The following KIF27 variants were observed in gnomAD, a reference collection of about 807,000 sequenced individuals.
KIF27 encodes kinesin family member 27.
Under a neutral mutation model 141.8 loss-of-function variants are expected in KIF27, and 84 were observed. That is an observed-to-expected ratio of 0.59 (90% confidence interval 0.50 to 0.71). The LOEUF (loss-of-function observed/expected upper bound fraction) is 0.71. Ranked by LOEUF, KIF27 falls within the 30% of genes least tolerant of loss-of-function variation. KIF27 has a pLI of 0.00. For missense variants in KIF27, 1,306 were observed against 1,628.4 expected (o/e 0.80, Z 3.41); for synonymous variants, 471 against 569.5 (o/e 0.83, Z 2.46).
Position 83,834,493 on chromosome 9 carries a change from C to T in KIF27, c.*2508G>A, listed in dbSNP as rs1945585571. 6.6e-6 allele frequency among the ~76,000 whole-genome samples: 1 copy of T among 151,990 alleles called. No homozygotes were observed. Among genetic ancestry groups the T allele is most frequent in the African/African-American group, 2.4e-5 (1 of 41,388 alleles). On this transcript the variant is annotated 3_prime_UTR_variant, in exon 18 of 18. Coordinates refer to ENST00000297814, the MANE Select transcript of KIF27 (RefSeq NM_017576.4). The stretch of plus-strand genomic sequence containing the variant: ...TTATTTAGAAATCAACTCACAATTG[C>T]ATAGTCAAACCTAATCATTGTTGTT...
intron 16 of KIF27, among the ~76,000 whole-genome samples, 156 bp from the exon 17 acceptor site, chr9:83,842,557 C>G (rs1456225140): frequency 6.6e-6 from 1 of 152,136 alleles, no homozygotes; most frequent in Non-Finnish European, 1.5e-5. Context: ...GCTCCGCCTC[C>G]CAGGTTCACA....
intron 14 of KIF27, 36 bp downstream of exon 14, chr9:83,859,120 A>G: frequency 1.5e-6 from 2 of 1,299,964 alleles, no homozygotes; most frequent in South Asian, 1.2e-5. Flanking sequence ...GTGATCCATC[A>G]TACAGCACCT....
chr9:83,911,965 T>C (rs1175433884), intron 2 of KIF27, among the ~76,000 whole-genome samples: 1 of 152,128 alleles, frequency 6.6e-6, no homozygotes, highest in Admixed American at 6.6e-5. Context: ...ACTTTGGAAA[T>C]ACTGGTTATT....
chr9:83,841,409 A>G (rs1413263186), intron 17 of KIF27, among the ~76,000 whole-genome samples: 2 of 151,944 alleles, frequency 1.3e-5, no homozygotes, highest in African/African-American at 4.8e-5. Context: ...ATATCACTTC[A>G]TTGCTCCTCC....
rs780496824 is a variant in KIF27, at chr9:83,903,338, T to C, written c.1180A>G (p.Ile394Val). 1 of 1,614,188 alleles carries C rather than the reference T, an allele frequency of 6.2e-7. No individual in the cohort carries two copies. Among genetic ancestry groups the C allele is most frequent in the Non-Finnish European group, 8.5e-7 (1 of 1,180,032 alleles). ...GCTACTTGCTCCTCAAGAGAATGAA[T>C]CCTATTTGTATCAGGACTCCCTTCT... ...NREGSPDTNRIHSLEEQVAQL... is the reference protein window; with the variant it reads ...NREGSPDTNRVHSLEEQVAQL... Residue 394 changes from isoleucine (I) to valine (V), a missense_variant, in exon 4 of 18, where the codon ATT becomes GTT. Physicochemically the swap from Ile to Val is conservative, Grantham distance 29 (BLOSUM62 3). Coordinates refer to ENST00000297814, the MANE Select transcript of KIF27 (RefSeq NM_017576.4).
chr9:83,905,702 G>A (rs1329094551), intron 3 of KIF27, among the ~76,000 whole-genome samples: 2 of 152,176 alleles, frequency 1.3e-5, no homozygotes, highest in East Asian at 3.9e-4. Context: ...GAATCCAGAT[G>A]CAAATCACCT....
chr9:83,877,764 G>A (rs1349397176), intron 11 of KIF27, among the ~76,000 whole-genome samples: 8 of 152,162 alleles, frequency 5.3e-5, no homozygotes, highest in African/African-American at 1.9e-4. Context: ...GTATCTGATA[G>A]AATTTAATGT....
Position 83,913,594 on chromosome 9 carries a change from G to A in KIF27, c.298+1700C>T, listed in dbSNP as rs531079656. ...TGGGATTAGAGGCATGTGCCACGAC[G>A]CCCAGCTAATTTTTGTATTTTTAGT... On this transcript the variant is annotated intron_variant, in intron 2 of 17. Coordinates refer to ENST00000297814, the MANE Select transcript of KIF27 (RefSeq NM_017576.4). Among the ~76,000 whole-genome samples, 212 of 152,206 alleles carry A rather than the reference G, an allele frequency of 1.4e-3. 2 individuals are homozygous for A. The highest frequency in any genetic ancestry group is 2.5e-3 in the Non-Finnish European group (170 of 68,004).
chr9:83,838,398 G>T (rs549724893), intron 17 of KIF27, among the ~76,000 whole-genome samples: 6 of 151,994 alleles, frequency 3.9e-5, no homozygotes, highest in East Asian at 1.9e-4. Context: ...CACGCCCGGC[G>T]AATTTTTTGT....
At chr9:83,916,952 C>A (rs1374810176) in intron 1 of KIF27, among the ~76,000 whole-genome samples, 1 of 151,814 alleles carries the variant, frequency 6.6e-6, no homozygotes, top group Non-Finnish European at 1.5e-5. Context: ...CGTGAGCCAC[C>A]GCGCACGACA....
intron 10 of KIF27, among the ~76,000 whole-genome samples, chr9:83,882,219 G>A (rs960291846): frequency 7.2e-5 from 11 of 151,972 alleles, no homozygotes; most frequent in Non-Finnish European, 4.4e-5. Context: ...AAAAATTTGC[G>A]GGTGTGGTGG....
rs1945823080 is a variant in KIF27 at position 83,836,279 on chromosome 9, C to G, written c.*722G>C. Among the ~76,000 whole-genome samples, 1 of 152,000 alleles carries G rather than the reference C, an allele frequency of 6.6e-6. No individual in the cohort carries two copies. Among genetic ancestry groups the G allele is most frequent in the East Asian group, 1.9e-4 (1 of 5,192 alleles). On this transcript the variant is annotated 3_prime_UTR_variant, in exon 18 of 18. Coordinates refer to ENST00000297814, the MANE Select transcript of KIF27 (RefSeq NM_017576.4). ...GTTTTATTCTATAATTTCCGTGTTC[C>G]ATGGAACAGCATTCATTTCTCCCAG...
At chr9:83,870,768 T>G (rs1950720338) in intron 11 of KIF27, 136 bp from the exon 12 acceptor site, 1 of 1,384,922 alleles carries the variant, frequency 7.2e-7, no homozygotes. Context: ...TGGAGTGCAG[T>G]GGCACAATCA....
rs1953727003 is a variant in KIF27 at position 83,900,214 on chromosome 9, C to A, written c.1459-410G>T. Among the ~76,000 whole-genome samples, 4 of 150,866 alleles carry A rather than the reference C, an allele frequency of 2.7e-5. No individual in the cohort carries two copies. In the Admixed American group the frequency reaches 2.7e-4, roughly 10 times the overall value. On this transcript the variant is annotated intron_variant, in intron 4 of 17. Transcript: ENST00000297814. ...AGGGCATTTGAATGAAGCAGATTTG[C>A]TGATTTTGTACACTTTCATTATGAA...
rs34331943 is a variant in KIF27, at chr9:83,847,242, G to A, written c.3556+2857C>T. Among the ~76,000 whole-genome samples the A allele has an allele frequency of 3.0e-3, 459 of 152,302 alleles. 2 individuals are homozygous for A. The highest frequency in any genetic ancestry group is 0.01 in the African/African-American group (428 of 41,564). ...CGACCATGTGACCAGCCGCAGAAAC[G>A]AGGACTGTAACTGTCATAGTTCCTC... On this transcript the variant is annotated intron_variant, in intron 16 of 17. Coordinates refer to ENST00000297814, the MANE Select transcript of KIF27 (RefSeq NM_017576.4).
rs1193133819 is a variant in KIF27 at position 83,903,495 on chromosome 9, A to C, written c.1023T>G (p.Ile341Met). The change falls in exon 4 of 18, where the codon ATT (isoleucine) becomes ATG (methionine). Residue 341 changes from isoleucine to methionine, a missense_variant. Physicochemically the swap from Ile to Met is conservative, Grantham distance 10. Transcript: ENST00000297814. ...TGAAGTTTACAGTGGGTTTGTTTCT[A>C]ATGTTCCGTGCTCTGTTGGCATATT... ...SLKYANRARN[I>M]RNKPTVNFSP... 1 of 1,613,970 alleles carries C rather than the reference A, an allele frequency of 6.2e-7. No individual in the cohort carries two copies. The highest frequency in any genetic ancestry group is 8.5e-7 in the Non-Finnish European group (1 of 1,180,036).
chr9:83,880,054 A>C (rs1043720181), intron 11 of KIF27: 2 of 565,226 alleles, frequency 3.5e-6, no homozygotes, highest in Admixed American at 3.2e-5. Context: ...TTAGGATCCT[A>C]CTAAGAGAAA....
At chr9:83,850,057 C>A (rs1265250868) in intron 16 of KIF27, 42 bp downstream of exon 16, 2 of 1,519,760 alleles carry the variant, frequency 1.3e-6, no homozygotes, top group Middle Eastern at 3.4e-4. Context: ...AGTACCCACA[C>A]CTACACATCA....
chr9:83,918,005 G>C (rs1955863744), intron 1 of KIF27, among the ~76,000 whole-genome samples: 1 of 152,064 alleles, frequency 6.6e-6, no homozygotes, highest in Non-Finnish European at 1.5e-5. Flanking sequence ...CAATGATTTT[G>C]TCAAACAAAA....
Sources: gnomAD v4.1 joint callset for allele counts (sites outside exome capture counted in the v4.1 genomes callset) on GRCh38, gnomAD v4.1.1 for gene constraint, MANE v1.5 for transcripts, NCBI Gene and HGNC (gene_info 2026-07-23, HGNC 2026-07-21) for gene names.